IL1RAPL2: variants seen among roughly 807,000 people sequenced by gnomAD.
IL1RAPL2 encodes interleukin 1 receptor accessory protein like 2, also known as X-linked interleukin-1 receptor accessory protein-like 2.
In IL1RAPL2, 3 loss-of-function variants were observed where a neutral mutation model predicts 44.1. That is an observed-to-expected ratio of 0.07 (90% CI 0.03 to 0.18). The LOEUF (loss-of-function observed/expected upper bound fraction) is 0.18, where lower values mean the gene tolerates loss of function less well. Among genes scored for constraint, IL1RAPL2 ranks in the 10% least tolerant of loss-of-function variants. The pLI is 1.00. For synonymous variants in IL1RAPL2, 181 were observed against 178.8 expected, an observed-to-expected ratio of 1.01 and a Z score of -0.10; for missense variants, 391 against 496.4, an observed-to-expected ratio of 0.79 and a Z score of 2.02.
At chrX:105,142,521 A>G (rs1276055961) in intron 2 of IL1RAPL2, among the ~76,000 whole-genome samples, 1 of 111,052 alleles carries the variant, frequency 9.0e-6, no homozygotes, top group Non-Finnish European at 1.9e-5. Flanking sequence ...CATTAGGCAC[A>G]TGCGGTGGGA....
chrX:105,011,624 G>A (rs1325775208), intron 2 of IL1RAPL2, among the ~76,000 whole-genome samples: 2 of 111,491 alleles, frequency 1.8e-5, no homozygotes, highest in African/African-American at 3.2e-5. Context: ...TCATCAATGT[G>A]TAGCATGAAT....
intron 2 of IL1RAPL2, among the ~76,000 whole-genome samples, chrX:104,959,241 G>A (rs765459041): frequency 1.3e-4 from 15 of 111,474 alleles, no homozygotes; most frequent in African/African-American, 1.6e-4. Context: ...ATGCCCATTC[G>A]TGTTAGCCTT....
intron 1 of IL1RAPL2, among the ~76,000 whole-genome samples, chrX:104,636,927 G>C (rs774955650): frequency 4.6e-4 from 51 of 111,440 alleles, no homozygotes; most frequent in Non-Finnish European, 7.5e-5. Flanking sequence ...CCCCTCTTCT[G>C]CGTCGCTCAC....
intron 1 of IL1RAPL2, among the ~76,000 whole-genome samples, chrX:104,641,451 C>T (rs1161081915): frequency 4.5e-5 from 5 of 111,967 alleles, no homozygotes; most frequent in Non-Finnish European, 7.5e-5. Context: ...GGGATGATAG[C>T]GGCTGTGCCG....
At chrX:105,079,756 G>T (rs1039909017) in intron 2 of IL1RAPL2, among the ~76,000 whole-genome samples, 2 of 110,587 alleles carry the variant, frequency 1.8e-5, no homozygotes, top group African/African-American at 6.6e-5. Flanking sequence ...TCTGGTTCTA[G>T]ATCCTTGAGG....
Position 104,759,202 on chromosome X carries a change from T to C in IL1RAPL2, c.82+100207T>C, listed in dbSNP as rs547772346. Among the ~76,000 whole-genome samples, 10 of 112,700 alleles carry C rather than the reference T, an allele frequency of 8.9e-5. No homozygotes were observed. The South Asian group carries it at 2.5e-3, about 29-fold the overall frequency. ...GAACTGGACTTGAGATCTTACAGAA[T>C]GAATACAGGTCTTGGAGTTCTGAGA... On this transcript the variant is annotated intron_variant, in intron 2 of 10. Coordinates refer to ENST00000372582, the MANE Select transcript of IL1RAPL2 (RefSeq NM_017416.2).
At chrX:104,852,810 CATTTATTG>C (rs1032681069) in intron 2 of IL1RAPL2, among the ~76,000 whole-genome samples, 16 of 111,805 alleles carry the variant, frequency 1.4e-4, no homozygotes, top group Non-Finnish European at 2.6e-4. Flanking sequence ...CTGCATCTGC[CATTTATTG>C]ATGAATTGCT....
At chrX:104,903,177 G>A (rs1331521243) in intron 2 of IL1RAPL2, among the ~76,000 whole-genome samples, 1 of 111,600 alleles carries the variant, frequency 9.0e-6, no homozygotes, top group Non-Finnish European at 1.9e-5. Context: ...AAGGGAGAAA[G>A]CAAGCTATTT....
At chrX:104,847,580 G>C (rs1381618301) in intron 2 of IL1RAPL2, among the ~76,000 whole-genome samples, 1 of 111,856 alleles carries the variant, frequency 8.9e-6, no homozygotes, top group African/African-American at 3.3e-5. Context: ...GTACCATGCT[G>C]TTTTGGTTAC....
chrX:104,747,600 A>G (rs1932197350), intron 2 of IL1RAPL2, among the ~76,000 whole-genome samples: 1 of 111,034 alleles, frequency 9.0e-6, no homozygotes, highest in South Asian at 3.8e-4. Context: ...GGGAAGGGGG[A>G]CAGGAAATGC....
intron 2 of IL1RAPL2, among the ~76,000 whole-genome samples, chrX:104,867,109 C>T (rs1045578030): frequency 9.3e-6 from 1 of 108,095 alleles, no homozygotes. Flanking sequence ...CAGTGGTGGG[C>T]GCCTGTAGTC....
chrX:105,119,643 T>G (rs2032900777), intron 2 of IL1RAPL2, among the ~76,000 whole-genome samples: 1 of 111,555 alleles, frequency 9.0e-6, no homozygotes, highest in Non-Finnish European at 1.9e-5. Context: ...TGTTCAAATT[T>G]TCAAGAAAAT....
intron 4 of IL1RAPL2, among the ~76,000 whole-genome samples, chrX:105,264,556 T>C (rs1178308977): frequency 9.0e-6 from 1 of 111,192 alleles, no homozygotes; most frequent in Non-Finnish European, 1.9e-5. Flanking sequence ...GCATCCAGAC[T>C]GAGGTAGAAT....
intron 2 of IL1RAPL2, among the ~76,000 whole-genome samples, chrX:104,675,360 A>C (rs1930725096): frequency 8.9e-6 from 1 of 111,808 alleles, no homozygotes; most frequent in Non-Finnish European, 1.9e-5. Context: ...TTATGTACCC[A>C]GTGGTCATTC....
At chrX:105,370,089 G>T (rs1433452796) in intron 5 of IL1RAPL2, among the ~76,000 whole-genome samples, 1 of 111,637 alleles carries the variant, frequency 9.0e-6, no homozygotes, top group Non-Finnish European at 1.9e-5. Context: ...TATTTTCCAG[G>T]TTATGCAAGT....
chrX:104,887,315 C>T (rs775026657), intron 2 of IL1RAPL2, among the ~76,000 whole-genome samples: 51 of 112,199 alleles, frequency 4.5e-4, no homozygotes, highest in Admixed American at 8.5e-4. Context: ...CCTTCCCACA[C>T]GGCAAAACTT....
At chrX:105,614,265 C>A (rs1429364747) in intron 6 of IL1RAPL2, among the ~76,000 whole-genome samples, 1 of 111,747 alleles carries the variant, frequency 8.9e-6, no homozygotes, top group East Asian at 2.8e-4. Context: ...CCAAAGCAAT[C>A]TACAAATTTA....
chrX:105,342,230 A>G (rs1049451331), intron 5 of IL1RAPL2, among the ~76,000 whole-genome samples: 3 of 109,818 alleles, frequency 2.7e-5, no homozygotes, highest in Non-Finnish European at 3.8e-5. Flanking sequence ...TAATGGGTAC[A>G]GCACAGCAAC....
intron 2 of IL1RAPL2, among the ~76,000 whole-genome samples, chrX:105,107,603 T>A (rs192655109): frequency 8.9e-6 from 1 of 111,901 alleles, no homozygotes; most frequent in Admixed American, 9.5e-5. Context: ...AGTGGGGAGT[T>A]TGAAGAAGTA....
Sources: gnomAD v4.1 joint callset for allele counts (sites outside exome capture counted in the v4.1 genomes callset) on GRCh38, gnomAD v4.1.1 for gene constraint, MANE v1.5 for transcripts, NCBI Gene and HGNC (gene_info 2026-07-23, HGNC 2026-07-21) for gene names.